The following ZNF649 variants were observed in gnomAD, a reference collection of about 807,000 sequenced individuals.
The protein encoded by ZNF649 is zinc finger protein 649.
Under a neutral mutation model 14.1 loss-of-function variants are expected in ZNF649, and 7 were observed. The observed-to-expected ratio is 0.49, with a 90% CI of 0.28 to 0.93. The LOEUF is 0.93. Ranked by LOEUF, ZNF649 falls within the 40% of genes least tolerant of loss-of-function variation. The pLI is 0.10. For missense variants in ZNF649, 544 were observed against 608.1 expected (o/e 0.89, Z 1.11); for synonymous variants, 227 against 212.3 (o/e 1.07, Z -0.60).
At chr19:51,896,670 T>C (rs1256717844) in intron 3 of ZNF649, 103 bp from the exon 4 acceptor site, 43 of 1,529,754 alleles carry the variant, frequency 2.8e-5, no homozygotes, top group Non-Finnish European at 3.6e-5. Flanking sequence ...ATTTGCATGT[T>C]AGCAAATTAA....
At chr19:51,896,736 G>C (rs780970866) in intron 3 of ZNF649, 116 bp downstream of exon 3, 2 of 1,602,884 alleles carry the variant, frequency 1.2e-6, no homozygotes, top group South Asian at 1.1e-5. Flanking sequence ...GACCAGAGAC[G>C]GGCCTGAGGA....
At chr19:51,896,622 CTGA>C in intron 3 of ZNF649, 55 bp from the exon 4 acceptor site, 1 of 1,582,166 alleles carries the variant, frequency 6.3e-7, no homozygotes, top group South Asian at 1.1e-5. Context: ...CCACGTGGCT[CTGA>C]TGATAGGAGA....
chr19:51,896,617 T>G (rs1291395716), intron 3 of ZNF649, 50 bp from the exon 4 acceptor site: 1 of 1,586,456 alleles, frequency 6.3e-7, no homozygotes, highest in South Asian at 1.1e-5. Context: ...TTGCACCACG[T>G]GGCTCTGATG....
At position 51,890,525 on chromosome 19, in the gene ZNF649, C is replaced by T; in HGVS notation, c.*93G>A. The T allele has an allele frequency of 1.3e-6, 1 of 766,986 alleles. No individual in the cohort carries two copies. Among genetic ancestry groups the T allele is most frequent in the Non-Finnish European group, 2.1e-6 (1 of 466,250 alleles). 47.5% of individuals were successfully genotyped at this position (766,986 alleles called of 1,614,324 possible). A position where few individuals can be genotyped will look rare whatever the true frequency, so the allele number is the denominator to read the frequency against. ...TATATTTCATATCTTGTAAACCCTACTATACATATTAGTGCAGGGAGCCAA... is the reference window on the plus strand; with the variant it reads ...TATATTTCATATCTTGTAAACCCTATTATACATATTAGTGCAGGGAGCCAA... On this transcript the variant is annotated 3_prime_UTR_variant, in exon 5 of 5. Transcript: ENST00000354957.
In ZNF649 at chr19:51,891,919, C is replaced by T. The variant is rs369035885; in HGVS notation, c.239-22G>A. ...ATTTCTAAGAGAGAGAACAATAAATCCTTCCATGATCATCACACGGAATAA... is the reference window on the plus strand; with the variant it reads ...ATTTCTAAGAGAGAGAACAATAAATTCTTCCATGATCATCACACGGAATAA... On this transcript the variant is annotated intron_variant, in intron 4 of 4. Coordinates refer to ENST00000354957, the MANE Select transcript of ZNF649 (RefSeq NM_023074.4). This position sits in a 1 kb window ranked among gnomAD's most constrained non-coding sequence, Gnocchi z 4.2. 142 of 1,532,354 alleles carry T rather than the reference C, an allele frequency of 9.3e-5. No individual in the cohort carries two copies. In the African/African-American group the frequency reaches 1.8e-3, roughly 19 times the overall value. 94.9% of individuals were successfully genotyped at this position (1,532,354 alleles called of 1,614,324 possible).
intron 1 of ZNF649, among the ~76,000 whole-genome samples, chr19:51,902,182 C>T (rs979925756): frequency 3.3e-5 from 5 of 152,160 alleles, no homozygotes; most frequent in African/African-American, 1.2e-4. Flanking sequence ...GTCTCCAGAA[C>T]TATAACAAAT....
At chr19:51,892,591 C>T (rs1020376974) in intron 4 of ZNF649, among the ~76,000 whole-genome samples, 6 of 151,954 alleles carry the variant, frequency 3.9e-5, no homozygotes, top group Non-Finnish European at 5.9e-5. Context: ...AATAAATATC[C>T]CAGAAAGGCA....
At chr19:51,897,049 CCATTTTCACCA>C in intron 2 of ZNF649, 71 bp from the exon 3 acceptor site, 1 of 1,596,672 alleles carries the variant, frequency 6.3e-7, no homozygotes, top group Non-Finnish European at 8.6e-7. Flanking sequence ...GTTGTTCGGC[CCATTTTCACCA>C]CATAAGCTGC....
intron 1 of ZNF649, among the ~76,000 whole-genome samples, chr19:51,903,468 T>A (rs1165459305): frequency 6.6e-6 from 1 of 152,108 alleles, no homozygotes; most frequent in Admixed American, 6.5e-5. Flanking sequence ...TTCCAAGGCT[T>A]TTGGGAGACA....
chr19:51,898,095 CAAAAAAAAA>C (rs34792714), intron 2 of ZNF649, among the ~76,000 whole-genome samples: 1 of 84,378 alleles, frequency 1.2e-5, no homozygotes, highest in South Asian at 3.6e-4. Flanking sequence ...AAGACTGTCT[CAAAAAAAAA>C]AAAAAAAAAA....
intron 4 of ZNF649, among the ~76,000 whole-genome samples, chr19:51,894,897 TCA>T (rs1360606839): frequency 6.6e-6 from 1 of 151,416 alleles, no homozygotes; most frequent in Non-Finnish European, 1.5e-5. Flanking sequence ...AAAACCAGAC[TCA>T]CAGAGCAAGA....
chr19:51,895,551 C>T (rs1204734501), intron 4 of ZNF649, among the ~76,000 whole-genome samples: 1 of 151,862 alleles, frequency 6.6e-6, no homozygotes, highest in East Asian at 1.9e-4. Flanking sequence ...ACCATGTTGG[C>T]AAAGCTGGTC....
At chr19:51,904,693 T>C (rs2085113453) in intron 1 of ZNF649, among the ~76,000 whole-genome samples, 1 of 152,060 alleles carries the variant, frequency 6.6e-6, no homozygotes, top group Non-Finnish European at 1.5e-5. Context: ...TCCAGAGGCC[T>C]ACTAACAGAG....
At position 51,890,849 on chromosome 19, in the gene ZNF649, G is replaced by C; in HGVS notation, c.1287C>G (p.Pro429=). 1 of 1,614,220 alleles carries C rather than the reference G, an allele frequency of 6.2e-7. No individual in the cohort carries two copies. The highest frequency in any genetic ancestry group is 2.2e-5 in the East Asian group (1 of 44,882). ...CTTTCTCACACTCATCACAGCCATA[G>C]GGTCTCTCTCCCGTGTGAGTTCTGT... The part of the protein sequence containing the change: ...VHHRTHTGER[P]YGCDECEKAY... The change falls in exon 5 of 5, where the codon CCC becomes CCG. Residue 429 remains proline, a synonymous_variant. Coordinates refer to ENST00000354957, the MANE Select transcript of ZNF649 (RefSeq NM_023074.4).
At chr19:51,895,585 G>A (rs999539347) in intron 4 of ZNF649, among the ~76,000 whole-genome samples, 6 of 151,646 alleles carry the variant, frequency 4.0e-5, no homozygotes, top group African/African-American at 9.7e-5. Flanking sequence ...TTTGTGATCC[G>A]CCCGCCTCAG....
chr19:51,893,802 G>C (rs552145399), intron 4 of ZNF649, among the ~76,000 whole-genome samples: 1 of 152,200 alleles, frequency 6.6e-6, no homozygotes, highest in East Asian at 1.9e-4. Context: ...TGTTGGCATC[G>C]GTGAATGGAG....
Position 51,900,302 on chromosome 19 carries a change from G to A in ZNF649, c.-187-8C>T. 1 of 430,816 alleles carries A rather than the reference G, an allele frequency of 2.3e-6. No homozygotes were observed. The highest frequency in any genetic ancestry group is 4.1e-6 in the Non-Finnish European group (1 of 242,118). The allele number at this position is 430,816 out of a possible 1,614,324, so 26.7% of individuals were successfully genotyped here. Reference sequence around the variant, plus strand: ...CTTCTGGGGAGCCAGGACCTATGGAGTAAAAATCAAGTTCATTTGGTGACA... The same window carrying A: ...CTTCTGGGGAGCCAGGACCTATGGAATAAAAATCAAGTTCATTTGGTGACA... On this transcript the variant is annotated splice_region_variant and splice_polypyrimidine_tract_variant and intron_variant, in intron 1 of 4. Coordinates refer to ENST00000354957, the MANE Select transcript of ZNF649 (RefSeq NM_023074.4).
At position 51,900,207 on chromosome 19, in the gene ZNF649, T is replaced by A; in HGVS notation, c.-100A>T. 2.0e-6 allele frequency: 2 copies of A among 1,013,462 alleles called. No individual in the cohort carries two copies. The highest frequency in any genetic ancestry group is 1.6e-5 in the African/African-American group (1 of 61,538). The allele number at this position is 1,013,462 out of a possible 1,614,324, so 62.8% of individuals were successfully genotyped here. A position where few individuals can be genotyped will look rare whatever the true frequency, so the allele number is the denominator to read the frequency against. Reference sequence around the variant, plus strand: ...TGGCTAAGAAATCTGAGTCTCCATTTAAGAGTGTTCCCAGAAATGATGACA... The same window carrying A: ...TGGCTAAGAAATCTGAGTCTCCATTAAAGAGTGTTCCCAGAAATGATGACA... On this transcript the variant is annotated 5_prime_UTR_variant, in exon 2 of 5. Transcript: ENST00000354957.
chr19:51,891,585 C>T lies in ZNF649; in HGVS notation c.551G>A (p.Gly184Glu), dbSNP rs370274575. Reference sequence around the variant, plus strand: ...CTGAGACTTCTTGAGGAAAGCTTTCCCACAGTCAGTGCATTCATGGGCTTT... The same window carrying T: ...CTGAGACTTCTTGAGGAAAGCTTTCTCACAGTCAGTGCATTCATGGGCTTT... ...IEKAHECTDC[G>E]KAFLKKSQLT... The change falls in exon 5 of 5, where the codon GGG becomes GAG. Residue 184 changes from glycine to glutamate, a missense_variant. Physicochemically the swap from Gly to Glu is moderately conservative, Grantham distance 98. Transcript: ENST00000354957. This position sits in a 1 kb window ranked among gnomAD's most constrained non-coding sequence, Gnocchi z 4.2. 9.9e-6 allele frequency: 16 copies of T among 1,614,220 alleles called. No homozygotes were observed. Among genetic ancestry groups the T allele is most frequent in the Non-Finnish European group, 1.4e-5 (16 of 1,180,052 alleles).
Sources: allele counts gnomAD v4.1 joint callset (sites outside exome capture counted in the v4.1 genomes callset), GRCh38; gene constraint gnomAD v4.1.1; non-coding constraint Gnocchi (gnomAD v3.1); transcripts MANE v1.5; gene names NCBI Gene and HGNC (gene_info 2026-07-23, HGNC 2026-07-21).